The following HCN1 variants were observed in gnomAD, a reference collection of about 807,000 sequenced individuals.
The protein encoded by HCN1 is hyperpolarization activated cyclic nucleotide gated potassium channel 1.
Under a neutral mutation model 78.9 loss-of-function variants are expected in HCN1, and 13 were observed. The observed-to-expected ratio is 0.16, with a 90% CI of 0.11 to 0.26. The LOEUF (loss-of-function observed/expected upper bound fraction) is 0.26. HCN1 is among the 10% of genes least tolerant of loss of function. The pLI is 1.00. For synonymous variants in HCN1, 552 were observed against 455.5 expected (o/e 1.21, Z -2.70); for missense variants, 810 against 1,154.3 (o/e 0.70, Z 4.32).
Position 45,550,327 on chromosome 5 carries a change from A to G in HCN1, c.850-88320T>C, listed in dbSNP as rs536395077. On this transcript the variant is annotated intron_variant, in intron 2 of 7. Transcript: ENST00000303230. ...GAATACTATGCAGCCATAAAAAATG[A>G]TGAGTTCATGTCCTTTGTAGGGACA... is the stretch of plus-strand genomic sequence containing the variant. Among the ~76,000 whole-genome samples the G allele has an allele frequency of 2.6e-5, 4 of 152,318 alleles. No individual in the cohort carries two copies. In the East Asian group the frequency reaches 7.7e-4, roughly 29 times the overall value.
intron 2 of HCN1, among the ~76,000 whole-genome samples, chr5:45,492,640 A>G (rs1406102496): frequency 2.0e-5 from 3 of 148,356 alleles, no homozygotes; most frequent in Non-Finnish European, 4.4e-5. Flanking sequence ...AACTGGGGCT[A>G]CAGGCTCGCC....
At chr5:45,617,449 C>T (rs1744978279) in intron 2 of HCN1, 1 of 152,004 alleles carries the variant, frequency 6.6e-6, no homozygotes, top group African/African-American at 2.4e-5. Context: ...TGGGTTAAGT[C>T]AGAGAATGGA....
At chr5:45,644,825 C>A (rs1321680890) in intron 2 of HCN1, 5 of 255,708 alleles carry the variant, frequency 2.0e-5, no homozygotes, top group Non-Finnish European at 2.9e-5. Flanking sequence ...GCAATCAGAC[C>A]CTACACATCT....
At chr5:45,400,477 C>T (rs374646582) in intron 3 of HCN1, among the ~76,000 whole-genome samples, 1 of 147,744 alleles carries the variant, frequency 6.8e-6, no homozygotes, top group African/African-American at 2.5e-5. Flanking sequence ...CAACTCACTG[C>T]AACCTCTGCC....
At chr5:45,675,091 G>A (rs1476862594) in intron 1 of HCN1, among the ~76,000 whole-genome samples, 1 of 151,624 alleles carries the variant, frequency 6.6e-6, no homozygotes, top group Non-Finnish European at 1.5e-5. Flanking sequence ...TGACCCTGAT[G>A]GAACCAGTGT....
chr5:45,275,793 A>G (rs574892411), intron 6 of HCN1, among the ~76,000 whole-genome samples: 1 of 152,266 alleles, frequency 6.6e-6, no homozygotes, highest in South Asian at 2.1e-4. Flanking sequence ...TAACAAAAAT[A>G]ACATAAAAAT....
chr5:45,695,957 C>A lies in HCN1; in HGVS notation c.137G>T (p.Gly46Val). ...GCCGTGCTCCTTCGCGCCGGCCCCG[C>A]CGCCCCCCGGCGGGGTGCCCAGGCG... Reference protein sequence around the residue: ...EKRLGTPPGGGGAGAKEHGNS... With the variant: ...EKRLGTPPGGVGAGAKEHGNS... Residue 46 changes from glycine (G) to valine (V), a missense_variant, in exon 1 of 8, where the codon GGC becomes GTC. This residue lies in a region of HCN1 where 170 missense variants were observed against 166.8 expected (regional missense o/e 1.02). Coordinates refer to ENST00000303230, the MANE Select transcript of HCN1 (RefSeq NM_021072.4). 7.5e-7 allele frequency: 1 copy of A among 1,333,942 alleles called. No individual in the cohort carries two copies. The highest frequency in any genetic ancestry group is 9.5e-7 in the Non-Finnish European group (1 of 1,050,826). The allele number at this position is 1,333,942 out of a possible 1,614,324, so 82.6% of individuals were successfully genotyped here. A position where few individuals can be genotyped will look rare whatever the true frequency, so the allele number is the denominator to read the frequency against.
intron 5 of HCN1, among the ~76,000 whole-genome samples, chr5:45,309,610 T>C (rs1745811436): frequency 6.6e-6 from 1 of 152,174 alleles, no homozygotes; most frequent in African/African-American, 2.4e-5. Context: ...CTTTCCTGCA[T>C]CTATTGAGAT....
intron 2 of HCN1, among the ~76,000 whole-genome samples, chr5:45,597,875 T>G (rs1213174795): frequency 6.6e-6 from 1 of 152,078 alleles, no homozygotes; most frequent in Non-Finnish European, 1.5e-5. Context: ...AAGGACCTCT[T>G]CAAGGAGAAC....
chr5:45,288,288 G>C (rs770416664), intron 6 of HCN1, among the ~76,000 whole-genome samples: 2 of 151,940 alleles, frequency 1.3e-5, no homozygotes, highest in Non-Finnish European at 2.9e-5. Flanking sequence ...CTAAGTGCTT[G>C]GCCTTGAAAA....
intron 2 of HCN1, among the ~76,000 whole-genome samples, chr5:45,623,901 A>G (rs924996509): frequency 3.3e-5 from 5 of 152,202 alleles, no homozygotes; most frequent in African/African-American, 7.2e-5. Context: ...GATCTCAATG[A>G]TAATTTGACA....
chr5:45,411,309 G>A (rs1740016027), intron 3 of HCN1, among the ~76,000 whole-genome samples: 1 of 151,668 alleles, frequency 6.6e-6, no homozygotes, highest in Non-Finnish European at 1.5e-5. Context: ...ACAGAGAAAA[G>A]AGTATTTGCA....
intron 2 of HCN1, among the ~76,000 whole-genome samples, chr5:45,622,833 C>T (rs1198185657): frequency 6.6e-6 from 1 of 152,080 alleles, no homozygotes; most frequent in Non-Finnish European, 1.5e-5. Flanking sequence ...CAATTAATAC[C>T]TATTATGCTT....
intron 6 of HCN1, among the ~76,000 whole-genome samples, chr5:45,270,144 T>C (rs1228496205): frequency 1.3e-5 from 2 of 152,228 alleles, no homozygotes; most frequent in African/African-American, 2.4e-5. Flanking sequence ...CACAAGTTGA[T>C]AGCAACAACT....
chr5:45,267,775 C>A (rs1345239752), intron 6 of HCN1, among the ~76,000 whole-genome samples: 2 of 151,690 alleles, frequency 1.3e-5, no homozygotes, highest in African/African-American at 4.8e-5. Flanking sequence ...TCAAAAAAGA[C>A]AACAACAACA....
In HCN1 at chr5:45,258,556, T is replaced by G. The variant is rs953022071; in HGVS notation, c.*3365A>C. The G allele has an allele frequency of 6.6e-6, 1 of 152,122 alleles. No individual in the cohort carries two copies. The highest frequency in any genetic ancestry group is 1.5e-5 in the Non-Finnish European group (1 of 67,984). 9.4% of individuals were successfully genotyped at this position (152,122 alleles called of 1,614,324 possible). A position where few individuals can be genotyped will look rare whatever the true frequency, so the allele number is the denominator to read the frequency against. ...TTCAGGAATGCTTCACTACTTATTC[T>G]CATTATGATAAACTCTATCTCAGGC... On this transcript the variant is annotated 3_prime_UTR_variant, in exon 8 of 8. Coordinates refer to ENST00000303230, the MANE Select transcript of HCN1 (RefSeq NM_021072.4).
At position 45,440,095 on chromosome 5, in the gene HCN1, A is replaced by G. The variant is rs1235222496; in HGVS notation, c.1011+21751T>C. Among the ~76,000 whole-genome samples the G allele has an allele frequency of 2.6e-5, 4 of 151,054 alleles. No individual in the cohort carries two copies. In the South Asian group the frequency reaches 6.3e-4, roughly 24 times the overall value. On this transcript the variant is annotated intron_variant, in intron 3 of 7. Coordinates refer to ENST00000303230, the MANE Select transcript of HCN1 (RefSeq NM_021072.4). Reference sequence around the variant, plus strand: ...CAACCTCAATTTGGAGTAAAAGTTGAGAATTTTTTCAAATAATAAAGATAG... The same window carrying G: ...CAACCTCAATTTGGAGTAAAAGTTGGGAATTTTTTCAAATAATAAAGATAG...
chr5:45,274,397 T>G (rs922078444), intron 6 of HCN1, among the ~76,000 whole-genome samples: 25 of 152,320 alleles, frequency 1.6e-4, no homozygotes, highest in African/African-American at 5.8e-4. Context: ...CCTCTGAATG[T>G]TGACCTAGTA....
Position 45,332,774 on chromosome 5 carries a change from CAG to C in HCN1, c.1377+20324_1377+20325del, listed in dbSNP as rs35932311. Among the ~76,000 whole-genome samples the C allele has an allele frequency of 5.5e-3, 832 of 151,690 alleles. 6 individuals carry two copies. The highest frequency in any genetic ancestry group is 0.019 in the African/African-American group (775 of 41,480). On this transcript the variant is annotated intron_variant, in intron 5 of 7. Coordinates refer to ENST00000303230, the MANE Select transcript of HCN1 (RefSeq NM_021072.4). ...TTTGTGTCTGGCTTATTTCACTTAG[CAG>C]AGTGACCTCCTGTTCCATCCACGTT...
Sources: gnomAD v4.1 joint callset for allele counts (sites outside exome capture counted in the v4.1 genomes callset) on GRCh38, gnomAD v4.1.1 for gene constraint, gnomAD v4.1.1 regional missense constraint, MANE v1.5 for transcripts, NCBI Gene and HGNC (gene_info 2026-07-23, HGNC 2026-07-21) for gene names.